Variants in LHFPL3 observed in about 807,000 individuals in gnomAD.
LHFPL3 encodes LHFPL tetraspan subfamily member 3.
LHFPL3 carries 5 observed loss-of-function variants against 19.3 expected under a neutral mutation model. The observed-to-expected ratio is 0.26, with a 90% confidence interval of 0.14 to 0.54. LHFPL3 has a LOEUF of 0.54. LHFPL3 is among the 20% of genes least tolerant of loss of function. LHFPL3 has a pLI of 0.94. For synonymous variants in LHFPL3, 133 were observed against 126.2 expected, an observed-to-expected ratio of 1.05 and a Z score of -0.36; for missense variants, 249 against 307.4, an observed-to-expected ratio of 0.81 and a Z score of 1.42.
In LHFPL3 at chr7:104,840,085, TATC is replaced by T. The variant is rs1463320123; in HGVS notation, c.683-66099_683-66097del. On this transcript the variant is annotated intron_variant, in intron 2 of 2. Coordinates refer to ENST00000424859, the MANE Select transcript of LHFPL3 (RefSeq NM_199000.3). ...GTATAATTATTAATGATGTTAATAT[TATC>T]ATTATTATCCAGTCAGTTTGCTTCA... 5.3e-5 allele frequency among the ~76,000 whole-genome samples: 8 copies of T among 152,082 alleles called. No individual in the cohort carries two copies. In the East Asian group the frequency reaches 9.6e-4, roughly 18 times the overall value.
chr7:104,715,077 A>G (rs111520632), intron 1 of LHFPL3, among the ~76,000 whole-genome samples: 1,850 of 152,246 alleles, frequency 0.012, 34 homozygotes, highest in African/African-American at 0.042. Context: ...CAAGGAGGGA[A>G]GATAGCTTGA....
At chr7:104,586,666 C>T (rs1431920344) in intron 1 of LHFPL3, among the ~76,000 whole-genome samples, 1 of 152,052 alleles carries the variant, frequency 6.6e-6, no homozygotes, top group Admixed American at 6.6e-5. Flanking sequence ...AAACATCTTT[C>T]ACATTTCAAA....
At chr7:104,479,967 T>C (rs1793099357) in intron 1 of LHFPL3, among the ~76,000 whole-genome samples, 1 of 152,242 alleles carries the variant, frequency 6.6e-6, no homozygotes, top group African/African-American at 2.4e-5. Flanking sequence ...TTTTATTATT[T>C]TCATGTGCAA....
In LHFPL3 at chr7:104,828,447, C is replaced by G. The variant is rs181154284; in HGVS notation, c.683-77740C>G. Among the ~76,000 whole-genome samples the G allele has an allele frequency of 1.3e-4, 20 of 152,086 alleles. No homozygotes were observed. In the East Asian group the frequency reaches 3.5e-3, roughly 26 times the overall value. ...GGTAGTGAACTCAGTAACTCAAATC[C>G]AGCCCCTTCCTCTGGTCTCTTGTCT... On this transcript the variant is annotated intron_variant, in intron 2 of 2. Transcript: ENST00000424859.
At chr7:104,585,474 CACACAA>C (rs1360674704) in intron 1 of LHFPL3, among the ~76,000 whole-genome samples, 22 of 135,884 alleles carry the variant, frequency 1.6e-4, no homozygotes, top group East Asian at 8.1e-4. Context: ...TAAGGCAACA[CACACAA>C]ACACACACAC....
rs142957717 is a variant in LHFPL3 at position 104,573,361 on chromosome 7, G to A, written c.446-163314G>A. On this transcript the variant is annotated intron_variant, in intron 1 of 2. Coordinates refer to ENST00000424859, the MANE Select transcript of LHFPL3 (RefSeq NM_199000.3). ...TGGGAGGCGGAGGTTGCAGTGAGCCGAGATCACACCACTGCACTCCAGCCT... is the reference window on the plus strand; with the variant it reads ...TGGGAGGCGGAGGTTGCAGTGAGCCAAGATCACACCACTGCACTCCAGCCT... 7.3e-3 allele frequency among the ~76,000 whole-genome samples: 1,073 copies of A among 146,710 alleles called. 13 individuals are homozygous for A. Among genetic ancestry groups the A allele is most frequent in the African/African-American group, 0.024 (975 of 39,806 alleles).
intron 1 of LHFPL3, among the ~76,000 whole-genome samples, chr7:104,696,445 GGTGTGTGTGTGT>G (rs5886329): frequency 6.7e-6 from 1 of 149,954 alleles, no homozygotes; most frequent in Non-Finnish European, 1.5e-5. Flanking sequence ...AGTGTTACTA[GGTGTGTGTGTGT>G]GTGTGTGTGT....
chr7:104,549,678 A>G (rs1046218569), intron 1 of LHFPL3, among the ~76,000 whole-genome samples: 4 of 152,170 alleles, frequency 2.6e-5, no homozygotes, highest in African/African-American at 7.2e-5. Context: ...GAAGATATCT[A>G]TTACGTGGTG....
chr7:104,603,071 T>TTTCTTTC, intron 1 of LHFPL3, among the ~76,000 whole-genome samples: 1 of 32,148 alleles, frequency 3.1e-5, no homozygotes, highest in African/African-American at 8.8e-5. Context: ...TTTCTTTTTC[T>TTTCTTTC]TTCTTTCTTT....
At chr7:104,444,761 G>T (rs1562899472) in intron 1 of LHFPL3, among the ~76,000 whole-genome samples, 1 of 152,168 alleles carries the variant, frequency 6.6e-6, no homozygotes, top group East Asian at 1.9e-4. Context: ...GGCCGAGGCA[G>T]GCAGATCACC....
intron 2 of LHFPL3, chr7:104,845,378 TCA>T: frequency 6.6e-7 from 1 of 1,510,886 alleles, no homozygotes; most frequent in Non-Finnish European, 8.9e-7. Context: ...TCCCACACTC[TCA>T]GATGATGGAA....
At chr7:104,853,466 C>T (rs1791448120) in intron 2 of LHFPL3, among the ~76,000 whole-genome samples, 1 of 152,190 alleles carries the variant, frequency 6.6e-6, no homozygotes, top group East Asian at 1.9e-4. Context: ...CTTTTCTGGC[C>T]AGCACACAGC....
chr7:104,797,088 A>G (rs922028077), intron 2 of LHFPL3: 1 of 152,392 alleles, frequency 6.6e-6, no homozygotes, highest in Admixed American at 6.5e-5. Context: ...AAGTGCATCA[A>G]AGTCCACTCC....
Position 104,399,851 on chromosome 7 carries a change from ACT to A in LHFPL3, c.445+70630_445+70631del, listed in dbSNP as rs1223475427. Among the ~76,000 whole-genome samples the A allele has an allele frequency of 6.6e-6, 1 of 150,630 alleles. No homozygotes were observed. Among genetic ancestry groups the A allele is most frequent in the Non-Finnish European group, 1.5e-5 (1 of 67,700 alleles). On this transcript the variant is annotated intron_variant, in intron 1 of 2. Coordinates refer to ENST00000424859, the MANE Select transcript of LHFPL3 (RefSeq NM_199000.3). The surrounding 1 kb of genome is among the most constrained non-coding windows in gnomAD (Gnocchi z 4.4). ...GTCATGTTGAGAGGGTTGGCTAAAG[ACT>A]CTGTAAGATCAGGGAGCCGAGGCAG...
intron 2 of LHFPL3, among the ~76,000 whole-genome samples, chr7:104,831,007 G>A (rs1235858829): frequency 6.6e-6 from 1 of 151,730 alleles, no homozygotes; most frequent in Non-Finnish European, 1.5e-5. Context: ...TACCTGATTG[G>A]ACCAAAACAA....
At chr7:104,848,919 TGTTGTTGTTGTA>T (rs1791364892) in intron 2 of LHFPL3, among the ~76,000 whole-genome samples, 1 of 151,876 alleles carries the variant, frequency 6.6e-6, no homozygotes, top group Non-Finnish European at 1.5e-5. Context: ...TTGTTGTTGT[TGTTGTTGTTGTA>T]GACAAAATCT....
At chr7:104,827,277 C>T (rs1157773928) in intron 2 of LHFPL3, among the ~76,000 whole-genome samples, 2 of 151,990 alleles carry the variant, frequency 1.3e-5, no homozygotes, top group Non-Finnish European at 2.9e-5. Flanking sequence ...ACAAAATAAA[C>T]CCTGGTCTTG....
intron 1 of LHFPL3, chr7:104,668,925 A>T (rs1462250802): frequency 5.0e-6 from 8 of 1,612,396 alleles, no homozygotes; most frequent in Non-Finnish European, 4.2e-6. Context: ...ATGGGCCAAA[A>T]CTAGAACGAC....
At chr7:104,619,340 T>A (rs6948948) in intron 1 of LHFPL3, among the ~76,000 whole-genome samples, 138,511 of 152,210 alleles carry the variant, frequency 0.91, 63,417 homozygotes, top group Non-Finnish European at 0.96. Flanking sequence ...TATTTTTCAC[T>A]TATTCCTCTT....
Sources: gnomAD v4.1 joint callset for allele counts (sites outside exome capture counted in the v4.1 genomes callset) on GRCh38, gnomAD v4.1.1 for gene constraint, Gnocchi (gnomAD v3.1) non-coding constraint, MANE v1.5 for transcripts, NCBI Gene and HGNC (gene_info 2026-07-23, HGNC 2026-07-21) for gene names.